The following ZNF7 variants were observed in gnomAD, a reference collection of about 807,000 sequenced individuals.
The protein encoded by ZNF7 is C2-H2 type zinc finger protein.
In ZNF7, 10 loss-of-function variants were observed where a neutral mutation model predicts 12.0. That is an observed-to-expected ratio of 0.83 (90% CI 0.51 to 1.42). The LOEUF is 1.42. ZNF7 is among the 40% of genes most tolerant of loss of function. The pLI, the probability that ZNF7 is intolerant of heterozygous loss-of-function variation, is 0.00. For missense variants in ZNF7, 854 were observed against 837.2 expected, an observed-to-expected ratio of 1.02 and a Z score of -0.25; for synonymous variants, 334 against 295.0, an observed-to-expected ratio of 1.13 and a Z score of -1.35.
intron 3 of ZNF7, chr8:144,836,599 C>T (rs1466314036): frequency 6.6e-6 from 1 of 152,278 alleles, no homozygotes. Flanking sequence ...AGAGGATATG[C>T]ATTTTCTGTT....
chr8:144,839,643 G>A (rs1829592078), intron 4 of ZNF7, among the ~76,000 whole-genome samples: 1 of 152,244 alleles, frequency 6.6e-6, no homozygotes, highest in African/African-American at 2.4e-5. Context: ...CCCAGCACTT[G>A]CTCGCAGACC....
intron 3 of ZNF7, chr8:144,837,055 T>C (rs1026283213): frequency 1.7e-4 from 34 of 201,470 alleles, no homozygotes; most frequent in Non-Finnish European, 3.0e-4. Context: ...ACAGGCCCGG[T>C]TCTGCTAAGT....
rs1450445831 is a variant in ZNF7 at position 144,842,885 on chromosome 8, G to A, written c.1778G>A (p.Ser593Asn). 5.6e-6 allele frequency: 9 copies of A among 1,614,222 alleles called. No homozygotes were observed. The highest frequency in any genetic ancestry group is 1.6e-4 in the Middle Eastern group (1 of 6,062). ...GAGTGTGGAAAAGCCTTCAGCCGGA[G>A]CTCATATCTTATTGAACACCAGAGA... ...CSECGKAFSR[S>N]SYLIEHQRIH... Residue 593 changes from serine (S) to asparagine (N), a missense_variant, in exon 5 of 5, where the codon AGC becomes AAC. Transcript: ENST00000532777.
intron 3 of ZNF7, chr8:144,829,986 G>A (rs889336236): frequency 4.3e-5 from 7 of 164,230 alleles, no homozygotes; most frequent in Admixed American, 5.9e-5. Flanking sequence ...TGCAGATGCC[G>A]TCATCCCCTT....
Position 144,841,585 on chromosome 8 carries a change from C to T in ZNF7, c.478C>T (p.Pro160Ser). 1.2e-6 allele frequency: 2 copies of T among 1,614,154 alleles called. No homozygotes were observed. Among genetic ancestry groups the T allele is most frequent in the Non-Finnish European group, 1.7e-6 (2 of 1,180,046 alleles). The change falls in exon 5 of 5, where the codon CCC becomes TCC. Residue 160 changes from proline (P) to serine (S), a missense_variant. Coordinates refer to ENST00000532777, the MANE Select transcript of ZNF7 (RefSeq NM_003416.4). ...NNCLNEETVV[P>S]KTFTKDAPQG... ...CTGTTTGAATGAGGAGACTGTGGTT[C>T]CCAAGACCTTCACCAAGGACGCACC...
chr8:144,842,246 A>G lies in ZNF7; in HGVS notation c.1139A>G (p.His380Arg). The G allele has an allele frequency of 6.2e-7, 1 of 1,614,184 alleles. No individual in the cohort carries two copies. The highest frequency in any genetic ancestry group is 8.5e-7 in the Non-Finnish European group (1 of 1,180,046). ...AGCCAGAGCTCCACCCTAGCCCAGC[A>G]TCAAAGGATGCATACTGGGGAGAAA... ...AFSQSSTLAQ[H>R]QRMHTGEKAQ... The change falls in exon 5 of 5, where the codon CAT becomes CGT. Residue 380 changes from histidine to arginine, a missense_variant. His to Arg is a conservative substitution (Grantham distance 29, BLOSUM62 0). Transcript: ENST00000532777.
chr8:144,841,750 T>C lies in ZNF7; in HGVS notation c.643T>C (p.Trp215Arg), dbSNP rs1181224051. ...AGCCACTTCAGATATCGCTCTGCAT[T>C]GGGAAATTAATACACAGAAAATTAG... ...IRATSDIALH[W>R]EINTQKISRC... is the part of the protein sequence containing the mutation. Residue 215 changes from tryptophan to arginine, a missense_variant, in exon 5 of 5, where the codon TGG (tryptophan) becomes CGG (arginine). Coordinates refer to ENST00000532777, the MANE Select transcript of ZNF7 (RefSeq NM_003416.4). 2 of 1,613,990 alleles carry C rather than the reference T, an allele frequency of 1.2e-6. No individual in the cohort carries two copies. Among genetic ancestry groups the C allele is most frequent in the South Asian group, 2.2e-5 (2 of 91,082 alleles).
chr8:144,829,251 C>T, intron 2 of ZNF7, 161 bp downstream of exon 2: 1 of 1,539,826 alleles, frequency 6.5e-7, no homozygotes. Flanking sequence ...CCTGCCCAAA[C>T]CAGGGCCTAA....
intron 4 of ZNF7, chr8:144,838,430 G>C: frequency 2.4e-6 from 1 of 419,368 alleles, no homozygotes; most frequent in Non-Finnish European, 4.3e-6. Flanking sequence ...CGCCCGGCCT[G>C]GTGCTCTGCT....
Position 144,841,948 on chromosome 8 carries a change from A to G in ZNF7, c.841A>G (p.Thr281Ala). 6.2e-7 allele frequency: 1 copy of G among 1,614,108 alleles called. No homozygotes were observed. The highest frequency in any genetic ancestry group is 8.5e-7 in the Non-Finnish European group (1 of 1,180,014). ...CACGGGAGAGAAACCCTTTAAATGC[A>G]CTGAGTGTGGAAAAGCCTTCCGCCT... ...IHTGEKPFKC[T>A]ECGKAFRLSS... Residue 281 changes from threonine (T) to alanine (A), a missense_variant, in exon 5 of 5, where the codon ACT becomes GCT. Coordinates refer to ENST00000532777, the MANE Select transcript of ZNF7 (RefSeq NM_003416.4).
intron 3 of ZNF7, chr8:144,837,136 G>T (rs1829099685): frequency 6.0e-6 from 2 of 335,748 alleles, no homozygotes; most frequent in African/African-American, 2.0e-5. Flanking sequence ...CAGACTGTTT[G>T]GTGACAGGGT....
At chr8:144,833,139 A>T (rs1033090524) in intron 3 of ZNF7, among the ~76,000 whole-genome samples, 1 of 147,178 alleles carries the variant, frequency 6.8e-6, no homozygotes, top group African/African-American at 2.5e-5. Context: ...TTGAGGTTGC[A>T]GTGAGCTGAG....
chr8:144,827,667 C>T (rs1163948839), intron 1 of ZNF7, 58 bp downstream of exon 1: 1 of 985,274 alleles, frequency 1.0e-6, no homozygotes, highest in Non-Finnish European at 1.2e-6. Context: ...GATCCCTGGT[C>T]GCTTCCTTAG....
rs1830209817 is a variant in ZNF7 at position 144,843,256 on chromosome 8, A to ATG, written c.*90_*91dup. The ATG allele has an allele frequency of 7.1e-7, 1 of 1,409,028 alleles. No individual in the cohort carries two copies. The highest frequency in any genetic ancestry group is 1.5e-5 in the South Asian group (1 of 68,222). The allele number at this position is 1,409,028 out of a possible 1,614,324, so 87.3% of individuals were successfully genotyped here. On this transcript the variant is annotated 3_prime_UTR_variant, in exon 5 of 5. Coordinates refer to ENST00000532777, the MANE Select transcript of ZNF7 (RefSeq NM_003416.4). ...TATGGAATCGTTTATACTGACAAACATGTAGAATGTTGGTAAAGGTTCAGA... is the reference window on the plus strand; with the variant it reads ...TATGGAATCGTTTATACTGACAAACATGTGTAGAATGTTGGTAAAGGTTCAGA...
At position 144,842,422 on chromosome 8, in the gene ZNF7, A is replaced by C. The variant is rs1362499608; in HGVS notation, c.1315A>C (p.Lys439Gln). ...GCATCAGCTGATTCACACTGGAGAG[A>C]AGCCTTATAAATGCAACAAGTGTAC... ...SQHQLIHTGE[K>Q]PYKCNKCTKA... is the part of the protein sequence containing the mutation. Residue 439 changes from lysine (K) to glutamine (Q), a missense_variant, in exon 5 of 5, where the codon AAG becomes CAG. Transcript: ENST00000532777. 1 of 1,614,054 alleles carries C rather than the reference A, an allele frequency of 6.2e-7. No individual in the cohort carries two copies. Among genetic ancestry groups the C allele is most frequent in the Non-Finnish European group, 8.5e-7 (1 of 1,180,054 alleles).
At chr8:144,828,795 G>C in intron 1 of ZNF7, 1 of 552,336 alleles carries the variant, frequency 1.8e-6, no homozygotes, top group Non-Finnish European at 3.2e-6. Context: ...CCTGGCACGT[G>C]GCATCCACTT....
downstream of ZNF7, chr8:144,845,945 C>A: frequency 6.5e-7 from 1 of 1,532,606 alleles, no homozygotes; most frequent in Non-Finnish European, 8.7e-7. Flanking sequence ...TCAGGTCTAG[C>A]ACAGGGGTTG....
At chr8:144,829,406 C>T (rs1586786112) in intron 2 of ZNF7, 72 bp from the exon 3 acceptor site, 1 of 1,601,738 alleles carries the variant, frequency 6.2e-7, no homozygotes. Context: ...CTGCCTGAGA[C>T]ATGTCATGAG....
Position 144,841,804 on chromosome 8 carries a change from T to C in ZNF7, c.697T>C (p.Ser233Pro). The C allele has an allele frequency of 6.2e-7, 1 of 1,614,154 alleles. No individual in the cohort carries two copies. Among genetic ancestry groups the C allele is most frequent in the Non-Finnish European group, 8.5e-7 (1 of 1,180,038 alleles). Residue 233 changes from serine to proline, a missense_variant, in exon 5 of 5, where the codon TCT becomes CCT. Physicochemically the swap from Ser to Pro is moderately conservative, Grantham distance 74 (BLOSUM62 -1). Transcript: ENST00000532777. Reference protein sequence around the residue: ...SRCQECQKKLSDCLQGKHTNN... With the variant: ...SRCQECQKKLPDCLQGKHTNN... ...ATGTCAAGAATGCCAAAAAAAGTTA[T>C]CTGACTGCTTGCAGGGGAAACATAC... is the stretch of plus-strand genomic sequence containing the variant.
Sources: gnomAD v4.1 joint callset for allele counts (sites outside exome capture counted in the v4.1 genomes callset) on GRCh38, gnomAD v4.1.1 for gene constraint, MANE v1.5 for transcripts, NCBI Gene and HGNC (gene_info 2026-07-23, HGNC 2026-07-21) for gene names.